CLIC4: variants seen among roughly 807,000 people sequenced by gnomAD.
CLIC4 encodes chloride intracellular channel protein 4.
Under a neutral mutation model 24.6 loss-of-function variants are expected in CLIC4, and 13 were observed. The observed-to-expected ratio is 0.53, with a 90% CI of 0.34 to 0.84. The LOEUF is 0.84. Among genes scored for constraint, CLIC4 ranks in the 40% least tolerant of loss-of-function variants. CLIC4 has a pLI of 0.01. For missense variants in CLIC4, 227 were observed against 301.7 expected, an observed-to-expected ratio of 0.75 and a Z score of 1.83; for synonymous variants, 104 against 111.3, an observed-to-expected ratio of 0.93 and a Z score of 0.41.
chr1:24,761,526 G>T (rs1381121676), intron 1 of CLIC4, among the ~76,000 whole-genome samples: 1 of 152,186 alleles, frequency 6.6e-6, no homozygotes, highest in Non-Finnish European at 1.5e-5. Context: ...GAGAACAAAA[G>T]TGAGCAGTAG....
intron 2 of CLIC4, among the ~76,000 whole-genome samples, chr1:24,808,675 A>C (rs998090470): frequency 9.5e-6 from 1 of 105,154 alleles, no homozygotes; most frequent in African/African-American, 2.9e-5. Flanking sequence ...ATCTATCTAT[A>C]AAATTTTTTT....
chr1:24,791,604 C>T (rs1639335700), intron 1 of CLIC4, among the ~76,000 whole-genome samples: 1 of 151,584 alleles, frequency 6.6e-6, no homozygotes. Flanking sequence ...GGCCGGGCGG[C>T]GTGGCTCATG....
At chr1:24,780,543 T>C (rs1378020451) in intron 1 of CLIC4, among the ~76,000 whole-genome samples, 2 of 152,230 alleles carry the variant, frequency 1.3e-5, no homozygotes, top group Non-Finnish European at 2.9e-5. Flanking sequence ...TCATTCTTTA[T>C]GTCTAAGAGG....
intron 1 of CLIC4, among the ~76,000 whole-genome samples, chr1:24,784,104 T>C (rs1215064855): frequency 1.3e-5 from 2 of 152,076 alleles, no homozygotes; most frequent in African/African-American, 4.8e-5. Context: ...TGTTTCACTC[T>C]ATTTTCATAT....
intron 1 of CLIC4, among the ~76,000 whole-genome samples, chr1:24,759,838 C>G (rs1638898481): frequency 6.6e-6 from 1 of 152,000 alleles, no homozygotes; most frequent in Non-Finnish European, 1.5e-5. Flanking sequence ...CCTGTATTCC[C>G]AGTTGCTTGG....
intron 1 of CLIC4, among the ~76,000 whole-genome samples, chr1:24,773,061 G>GT (rs1639091781): frequency 6.6e-6 from 1 of 152,100 alleles, no homozygotes. Flanking sequence ...AAGCAATTGT[G>GT]TTTTAAAAGT....
intron 2 of CLIC4, among the ~76,000 whole-genome samples, chr1:24,811,650 T>A (rs4472710): frequency 0.94 from 142,580 of 151,646 alleles, 67,072 homozygotes; most frequent in East Asian, 0.99. Context: ...TTAAAAAAAA[T>A]TTTTTTATAG....
chr1:24,774,757 C>T (rs917140539), intron 1 of CLIC4, among the ~76,000 whole-genome samples: 27 of 151,844 alleles, frequency 1.8e-4, no homozygotes, highest in African/African-American at 6.0e-4. Flanking sequence ...TCAGCTTAGG[C>T]GACAGAGCGG....
intron 2 of CLIC4, among the ~76,000 whole-genome samples, chr1:24,809,060 T>C (rs965552387): frequency 1.1e-4 from 16 of 152,292 alleles, no homozygotes; most frequent in African/African-American, 3.6e-4. Context: ...TTATTTCATT[T>C]TGTGAAAAAC....
At chr1:24,797,028 A>G (rs1326295130) in intron 1 of CLIC4, among the ~76,000 whole-genome samples, 2 of 150,620 alleles carry the variant, frequency 1.3e-5, no homozygotes, top group African/African-American at 4.9e-5. Flanking sequence ...ATCTCAGCAC[A>G]CTGCAACCTC....
chr1:24,782,979 C>CA (rs1374486214), intron 1 of CLIC4, among the ~76,000 whole-genome samples: 3 of 151,196 alleles, frequency 2.0e-5, no homozygotes, highest in Admixed American at 6.6e-5. Context: ...GACCCTGTCT[C>CA]AAAAAAAACC....
chr1:24,773,464 C>G (rs1326141363), intron 1 of CLIC4, among the ~76,000 whole-genome samples: 1 of 152,114 alleles, frequency 6.6e-6, no homozygotes, highest in Non-Finnish European at 1.5e-5. Context: ...AGCATTTCAC[C>G]TATGTCCCAA....
chr1:24,813,024 A>C lies in CLIC4; in HGVS notation c.183-1070A>C, dbSNP rs570775780. Among the ~76,000 whole-genome samples, 12 of 142,124 alleles carry C rather than the reference A, an allele frequency of 8.4e-5. No individual in the cohort carries two copies. In the South Asian group the frequency reaches 8.9e-4, roughly 11 times the overall value. 93.2% of individuals were successfully genotyped at this position (142,124 alleles called of 152,430 possible). A position where few individuals can be genotyped will look rare whatever the true frequency, so the allele number is the denominator to read the frequency against. On this transcript the variant is annotated intron_variant, in intron 2 of 5. Transcript: ENST00000374379. ...GAGCCACCACACCTGGTTGAAAAAT[A>C]CCTTTCTTTCTTTCTTTCTTTCTTT...
intron 3 of CLIC4, among the ~76,000 whole-genome samples, chr1:24,816,728 A>G (rs991725944): frequency 6.6e-6 from 1 of 152,218 alleles, no homozygotes; most frequent in African/African-American, 2.4e-5. Context: ...GAAAACAACC[A>G]TGATCTCCCT....
chr1:24,750,526 TG>T, intron 1 of CLIC4, among the ~76,000 whole-genome samples: 1 of 150,986 alleles, frequency 6.6e-6, no homozygotes, highest in South Asian at 2.1e-4. Context: ...CCACCACACC[TG>T]GCTAATTTTG....
At chr1:24,768,512 T>A (rs1639031931) in intron 1 of CLIC4, among the ~76,000 whole-genome samples, 1 of 103,168 alleles carries the variant, frequency 9.7e-6, no homozygotes, top group Admixed American at 1.0e-4. Flanking sequence ...TATTTAGTAA[T>A]TTTTAAGGAG....
intron 1 of CLIC4, among the ~76,000 whole-genome samples, chr1:24,753,645 G>GATCT (rs1246062524): frequency 1.4e-4 from 21 of 152,204 alleles, no homozygotes; most frequent in Non-Finnish European, 3.1e-4. Context: ...AGGGAGACAA[G>GATCT]TTATTTAAAA....
intron 1 of CLIC4, 39 bp from the exon 2 acceptor site, chr1:24,797,703 A>C: frequency 7.0e-7 from 1 of 1,423,380 alleles, no homozygotes; most frequent in Non-Finnish European, 9.7e-7. Flanking sequence ...GAGTATCATC[A>C]CTTTGACCTT....
intron 1 of CLIC4, among the ~76,000 whole-genome samples, chr1:24,788,729 C>T (rs1044752332): frequency 1.3e-5 from 2 of 152,212 alleles, no homozygotes; most frequent in Non-Finnish European, 2.9e-5. Context: ...ACTTCTCCTT[C>T]TGGGAATATA....
Sources: allele counts gnomAD v4.1 joint callset (sites outside exome capture counted in the v4.1 genomes callset), GRCh38; gene constraint gnomAD v4.1.1; transcripts MANE v1.5; gene names NCBI Gene and HGNC (gene_info 2026-07-23, HGNC 2026-07-21).